The following BRD10 variants were observed in gnomAD, a reference collection of about 807,000 sequenced individuals.
BRD10 encodes the protein bromodomain containing 10, also known as uncharacterized bromodomain-containing protein 10.
the BRD10 span, chr9:5,899,125 T>A: frequency 6.6e-6 from 1 of 152,196 alleles, no homozygotes; most frequent in African/African-American, 2.4e-5. Flanking sequence ...GATCTCGCTG[T>A]CTCTCTTTCT....
At chr9:5,927,793 T>C in the BRD10 span, among the ~76,000 whole-genome samples, 1 of 152,216 alleles carries the variant, frequency 6.6e-6, no homozygotes, top group Admixed American at 6.5e-5. Context: ...CCTACTCATC[T>C]TGGCCACTTC....
At chr9:5,896,301 A>G in the BRD10 span, among the ~76,000 whole-genome samples, 1 of 152,232 alleles carries the variant, frequency 6.6e-6, no homozygotes, top group Non-Finnish European at 1.5e-5. Flanking sequence ...ATTGGTGCTC[A>G]ATGAATGGTA....
the BRD10 span, among the ~76,000 whole-genome samples, chr9:5,918,324 T>C: frequency 1.3e-5 from 2 of 152,168 alleles, no homozygotes; most frequent in Non-Finnish European, 2.9e-5. Context: ...TGTGATGAAG[T>C]TTAACAACAT....
the BRD10 span, among the ~76,000 whole-genome samples, chr9:5,914,457 TC>T: frequency 8.1e-6 from 1 of 124,088 alleles, no homozygotes; most frequent in Non-Finnish European, 1.6e-5. Context: ...GGAGTCTCAC[TC>T]TGTCACCCAG....
At chr9:5,947,409 A>G in the BRD10 span, among the ~76,000 whole-genome samples, 1 of 152,262 alleles carries the variant, frequency 6.6e-6, no homozygotes, top group South Asian at 2.1e-4. Context: ...CATGGAGCTA[A>G]TGAGTATGAA....
chr9:6,000,276 AC>A, the BRD10 span, among the ~76,000 whole-genome samples: 3 of 152,168 alleles, frequency 2.0e-5, no homozygotes, highest in African/African-American at 7.2e-5. Flanking sequence ...GACAGATACT[AC>A]CACTGGGGCT....
At chr9:5,968,998 A>C in the BRD10 span, 1 of 1,609,850 alleles carries the variant, frequency 6.2e-7, no homozygotes, top group Non-Finnish European at 8.5e-7. Context: ...CTTCCAATGG[A>C]TTAACTTCTC....
At chr9:5,996,561 C>T in the BRD10 span, among the ~76,000 whole-genome samples, 3 of 152,264 alleles carry the variant, frequency 2.0e-5, no homozygotes, top group East Asian at 5.8e-4. Context: ...AAACTCCCGA[C>T]CTCAGGTGAT....
the BRD10 span, among the ~76,000 whole-genome samples, chr9:5,923,611 A>G: frequency 4.2e-4 from 64 of 152,326 alleles, no homozygotes; most frequent in African/African-American, 1.5e-3. Flanking sequence ...AAACTGTTTC[A>G]TTAGAAATAC....
At chr9:6,003,699 C>A in the BRD10 span, among the ~76,000 whole-genome samples, 2 of 152,224 alleles carry the variant, frequency 1.3e-5, no homozygotes, top group South Asian at 4.1e-4. Context: ...GAGAATTAAT[C>A]AGCTTTTGGA....
At chr9:5,921,801 A>T in the BRD10 span, 19 of 1,613,872 alleles carry the variant, frequency 1.2e-5, no homozygotes, top group Non-Finnish European at 1.6e-5. Flanking sequence ...CAAATAGAGG[A>T]CTTCAAGGGA....
chr9:5,955,384 TA>T, the BRD10 span, among the ~76,000 whole-genome samples: 3 of 152,174 alleles, frequency 2.0e-5, no homozygotes, highest in African/African-American at 4.8e-5. Context: ...TAAATGTCAA[TA>T]TTTTTTTCAA....
At chr9:5,937,675 A>G in the BRD10 span, among the ~76,000 whole-genome samples, 1 of 152,240 alleles carries the variant, frequency 6.6e-6, no homozygotes, top group Non-Finnish European at 1.5e-5. Flanking sequence ...TGCCTGATGT[A>G]AAACCAATGT....
the BRD10 span, among the ~76,000 whole-genome samples, chr9:5,985,284 C>A: frequency 1.3e-5 from 2 of 152,002 alleles, no homozygotes; most frequent in Admixed American, 6.6e-5. Context: ...ACCAGAAAAA[C>A]CAAAACTTAA....
the BRD10 span, among the ~76,000 whole-genome samples, chr9:5,896,191 T>C: frequency 6.6e-6 from 1 of 152,224 alleles, no homozygotes; most frequent in East Asian, 1.9e-4. Context: ...ACCAGCATAA[T>C]GTCAGCTGTA....
At chr9:5,974,593 T>C in the BRD10 span, among the ~76,000 whole-genome samples, 1 of 152,276 alleles carries the variant, frequency 6.6e-6, no homozygotes, top group South Asian at 2.1e-4. Context: ...GCAGACTCCC[T>C]TATTGAGAAG....
At chr9:5,921,955 A>T in the BRD10 span, 1 of 1,613,842 alleles carries the variant, frequency 6.2e-7, no homozygotes, top group African/African-American at 1.3e-5. Context: ...TTTGGCTAAA[A>T]GGTGAAAGAC....
chr9:5,951,225 T>C, the BRD10 span, among the ~76,000 whole-genome samples: 2 of 151,748 alleles, frequency 1.3e-5, no homozygotes, highest in African/African-American at 2.4e-5. Context: ...CTGAAGCAAA[T>C]AGGGGGGCAA....
the BRD10 span, among the ~76,000 whole-genome samples, chr9:5,975,903 G>A: frequency 1.3e-5 from 2 of 152,158 alleles, no homozygotes; most frequent in East Asian, 1.9e-4. Context: ...AATAATATAT[G>A]AGATGGACGA....
Sources: allele counts gnomAD v4.1 joint callset (sites outside exome capture counted in the v4.1 genomes callset), GRCh38; gene constraint gnomAD v4.1.1; transcripts MANE v1.5; gene names NCBI Gene and HGNC (gene_info 2026-07-23, HGNC 2026-07-21).